The following DGKG variants were observed in gnomAD, a reference collection of about 807,000 sequenced individuals.
DGKG encodes diacylglycerol kinase gamma, also known as DAG kinase gamma.
A neutral mutation model predicts 105.3 loss-of-function variants in DGKG; 78 were observed. That is an observed-to-expected ratio of 0.74 (90% CI 0.62 to 0.89). The LOEUF is 0.89. Ranked by LOEUF, DGKG falls within the 40% of genes least tolerant of loss-of-function variation. DGKG has a pLI of 0.00. For synonymous variants in DGKG, 346 were observed against 367.1 expected (o/e 0.94, Z 0.66); for missense variants, 958 against 1,020.1 (o/e 0.94, Z 0.83).
intron 1 of DGKG, among the ~76,000 whole-genome samples, chr3:186,351,104 A>G (rs1726609567): frequency 6.6e-6 from 1 of 152,060 alleles, no homozygotes; most frequent in South Asian, 2.1e-4. Context: ...TTTTCATTTA[A>G]TCTCCAGGCC....
In DGKG at chr3:186,241,554, A is replaced by AAAAT. The variant is rs111955293; in HGVS notation, c.1826+946_1826+949dup. Among the ~76,000 whole-genome samples the AAAAT allele has an allele frequency of 5.1e-3, 770 of 151,430 alleles. 3 individuals are homozygous for AAAAT. Among genetic ancestry groups the AAAAT allele is most frequent in the African/African-American group, 9.8e-3 (405 of 41,118 alleles). On this transcript the variant is annotated intron_variant, in intron 20 of 24. Coordinates refer to ENST00000265022, the MANE Select transcript of DGKG (RefSeq NM_001346.3). ...GGTGACAGAGTGAGATTCCATCTCA[A>AAAAT]AAATAAATAAATAAATAAATAAATA...
At chr3:186,310,616 C>G (rs959723088) in intron 2 of DGKG, among the ~76,000 whole-genome samples, 3 of 152,150 alleles carry the variant, frequency 2.0e-5, no homozygotes, top group African/African-American at 7.2e-5. Flanking sequence ...CAGAAAAGAA[C>G]AACGAGGGAA....
intron 1 of DGKG, among the ~76,000 whole-genome samples, chr3:186,332,528 T>C (rs975499805): frequency 1.1e-4 from 17 of 152,150 alleles, no homozygotes; most frequent in Non-Finnish European, 2.1e-4. Flanking sequence ...ACTCATGCCC[T>C]GTGTCAGGGA....
chr3:186,176,266 A>G (rs73054171), intron 22 of DGKG, among the ~76,000 whole-genome samples: 30,929 of 152,190 alleles, frequency 0.2, 4,731 homozygotes, highest in African/African-American at 0.43. Flanking sequence ...ATGTAATAAA[A>G]TAAATCAATT....
intron 17 of DGKG, among the ~76,000 whole-genome samples, chr3:186,256,051 G>A (rs575686155): frequency 2.6e-4 from 40 of 152,270 alleles, no homozygotes; most frequent in African/African-American, 8.9e-4. Context: ...TCTCCCTCAT[G>A]GTGGAGAGGG....
At chr3:186,262,984 G>A (rs866415080) in intron 14 of DGKG, among the ~76,000 whole-genome samples, 2 of 151,926 alleles carry the variant, frequency 1.3e-5, no homozygotes, top group African/African-American at 4.8e-5. Context: ...AAAATTAGCC[G>A]GGCGTGGTGG....
Position 186,226,286 on chromosome 3 carries a change from T to A in DGKG, c.1827-14401A>T, listed in dbSNP as rs142556616. On this transcript the variant is annotated intron_variant, in intron 20 of 24. Transcript: ENST00000265022. This position sits in a 1 kb window ranked among gnomAD's most constrained non-coding sequence, Gnocchi z 4.2. ...TTCAAATTTCTTCTTTTCTAACCCATCAGCTGTTAACCATTTCATTTTTCT... is the reference window on the plus strand; with the variant it reads ...TTCAAATTTCTTCTTTTCTAACCCAACAGCTGTTAACCATTTCATTTTTCT... Among the ~76,000 whole-genome samples, 120 of 152,306 alleles carry A rather than the reference T, an allele frequency of 7.9e-4. No homozygotes were observed. The highest frequency in any genetic ancestry group is 3.4e-3 in the Middle Eastern group (1 of 294).
intron 22 of DGKG, among the ~76,000 whole-genome samples, chr3:186,172,090 G>A (rs919272142): frequency 6.6e-6 from 1 of 152,160 alleles, no homozygotes; most frequent in Non-Finnish European, 1.5e-5. Flanking sequence ...CAGGTGATCT[G>A]CCAGCCTTGG....
At chr3:186,256,331 G>C (rs986688855) in intron 17 of DGKG, among the ~76,000 whole-genome samples, 4 of 152,186 alleles carry the variant, frequency 2.6e-5, no homozygotes, top group Non-Finnish European at 5.9e-5. Flanking sequence ...CTCTGCCCTG[G>C]TCACGGTCTA....
chr3:186,208,039 T>C (rs1335784770), intron 21 of DGKG, among the ~76,000 whole-genome samples: 1 of 152,002 alleles, frequency 6.6e-6, no homozygotes, highest in Non-Finnish European at 1.5e-5. Flanking sequence ...TTTTTCTTTC[T>C]TTCTTTTTTT....
chr3:186,300,883 T>G (rs1185655030), intron 3 of DGKG, among the ~76,000 whole-genome samples: 1 of 152,226 alleles, frequency 6.6e-6, no homozygotes, highest in African/African-American at 2.4e-5. Context: ...CTCCCCTTTT[T>G]CCAATCTGTT....
chr3:186,273,675 C>T (rs2268827), intron 10 of DGKG, among the ~76,000 whole-genome samples: 45,024 of 151,954 alleles, frequency 0.3, 7,122 homozygotes, highest in African/African-American at 0.39. Context: ...CCAGGCCTGG[C>T]GGACCCCTTC....
rs767139710 is a variant in DGKG at position 186,251,852 on chromosome 3, G to A, written c.1668C>T (p.Asp556=). The change falls in exon 19 of 25, where the codon GAC becomes GAT. Residue 556 remains aspartate, a synonymous_variant. Transcript: ENST00000265022. The part of the protein sequence containing the change: ...DIEQSPLVML[D]RWHLEVIPRE... ...TGGGGATGACTTCCAGATGCCAGCG[G>A]TCCAGCATCACCAAGGGGCTCTGCT... 1.2e-6 allele frequency: 2 copies of A among 1,612,902 alleles called. No homozygotes were observed. The highest frequency in any genetic ancestry group is 3.3e-5 in the Admixed American group (2 of 59,880).
intron 14 of DGKG, among the ~76,000 whole-genome samples, chr3:186,264,534 G>A (rs1428650786): frequency 1.3e-5 from 2 of 152,222 alleles, no homozygotes; most frequent in East Asian, 3.8e-4. Context: ...AAACTGCTGC[G>A]ATGACAGGCG....
At chr3:186,290,906 G>A (rs567304241) in intron 5 of DGKG, among the ~76,000 whole-genome samples, 6 of 152,314 alleles carry the variant, frequency 3.9e-5, no homozygotes, top group South Asian at 2.1e-4. Flanking sequence ...GGATTAGAGC[G>A]AATAATCCCT....
chr3:186,317,787 T>G (rs1343919587), intron 2 of DGKG, among the ~76,000 whole-genome samples: 1 of 152,198 alleles, frequency 6.6e-6, no homozygotes, highest in Non-Finnish European at 1.5e-5. Flanking sequence ...GAGTCCTGTT[T>G]GTCTTCCCCT....
chr3:186,360,420 C>CAGGA (rs1727173004), intron 1 of DGKG, among the ~76,000 whole-genome samples: 2 of 152,108 alleles, frequency 1.3e-5, no homozygotes, highest in African/African-American at 4.8e-5. Flanking sequence ...AGACATAGAT[C>CAGGA]AGGAGTACGA....
intron 2 of DGKG, among the ~76,000 whole-genome samples, chr3:186,307,742 TC>T (rs1399171128): frequency 1.3e-5 from 2 of 152,178 alleles, no homozygotes; most frequent in African/African-American, 4.8e-5. Context: ...AGTGAAAATT[TC>T]AAAACATTAA....
intron 13 of DGKG, 93 bp downstream of exon 13, chr3:186,267,592 A>T: frequency 1.1e-6 from 1 of 912,114 alleles, no homozygotes; most frequent in Non-Finnish European, 1.8e-6. Context: ...TTGTCAGGGA[A>T]GCCCTGGGAA....
Sources: allele counts gnomAD v4.1 joint callset (sites outside exome capture counted in the v4.1 genomes callset), GRCh38; gene constraint gnomAD v4.1.1; non-coding constraint Gnocchi (gnomAD v3.1); transcripts MANE v1.5; gene names NCBI Gene and HGNC (gene_info 2026-07-23, HGNC 2026-07-21).